Variants in BRSK2 observed in about 807,000 individuals in gnomAD.
BRSK2 encodes BR serine/threonine kinase 2.
In BRSK2, 19 loss-of-function variants were observed where a neutral mutation model predicts 83.3. The ratio of observed to expected loss-of-function variants is 0.23; its 90% CI spans 0.16 to 0.33. BRSK2 has a LOEUF of 0.33. Ranked by LOEUF, BRSK2 falls within the 10% of genes least tolerant of loss-of-function variation. The pLI, the probability that BRSK2 is intolerant of heterozygous loss-of-function variation, is 1.00. For synonymous variants in BRSK2, 519 were observed against 435.4 expected (o/e 1.19, Z -2.39); for missense variants, 798 against 1,042.3 (o/e 0.77, Z 3.23).
At chr11:1,416,146 T>A (rs973246154) in intron 1 of BRSK2, among the ~76,000 whole-genome samples, 1 of 152,224 alleles carries the variant, frequency 6.6e-6, no homozygotes, top group East Asian at 1.9e-4. Flanking sequence ...TTATAAAATT[T>A]CTGTTTTAAT....
chr11:1,445,493 GC>G, intron 10 of BRSK2, 35 bp downstream of exon 10: 1 of 1,609,330 alleles, frequency 6.2e-7, no homozygotes, highest in Non-Finnish European at 8.5e-7. Context: ...GGGGCACGGG[GC>G]CTGAGGTGGG....
At chr11:1,428,930 G>A (rs1214563026) in intron 1 of BRSK2, among the ~76,000 whole-genome samples, 2 of 151,102 alleles carry the variant, frequency 1.3e-5, no homozygotes, top group Non-Finnish European at 3.0e-5. Context: ...CTGGAGGTGT[G>A]TACTGGGTGC....
In BRSK2 at chr11:1,454,266, G is replaced by A; in HGVS notation, c.1545-219G>A. 1.9e-6 allele frequency: 1 copy of A among 513,982 alleles called. No individual in the cohort carries two copies. The highest frequency in any genetic ancestry group is 3.5e-6 in the Non-Finnish European group (1 of 285,638). 31.8% of individuals were successfully genotyped at this position (513,982 alleles called of 1,614,324 possible). A position where few individuals can be genotyped will look rare whatever the true frequency, so the allele number is the denominator to read the frequency against. On this transcript the variant is annotated intron_variant, in intron 15 of 19. Transcript: ENST00000528841. The surrounding 1 kb of genome is among the most constrained non-coding windows in gnomAD (Gnocchi z 5.2). ...CGTTAGGGCTTGGAGAAAGGTTAGG[G>A]TTGGGGTTGGGGTTAGAGCCACGGT...
At chr11:1,450,881 A>AG in intron 14 of BRSK2, 87 bp downstream of exon 14, 1 of 1,294,950 alleles carries the variant, frequency 7.7e-7, no homozygotes. Context: ...GTGCCAGACC[A>AG]GTCCGAGGGG....
intron 9 of BRSK2, 112 bp downstream of exon 9, chr11:1,445,114 C>T: frequency 1.3e-6 from 2 of 1,514,372 alleles, no homozygotes; most frequent in Non-Finnish European, 1.8e-6. Flanking sequence ...CCTGCCCTGC[C>T]TTGGCCCTCC....
rs563153884 is a variant in BRSK2 at position 1,428,549 on chromosome 11, G to C, written c.92-7491G>C. Among the ~76,000 whole-genome samples, 7 of 152,352 alleles carry C rather than the reference G, an allele frequency of 4.6e-5. No individual in the cohort carries two copies. In the South Asian group the frequency reaches 8.3e-4, roughly 18 times the overall value. ...GAGCAAGGCCAGTGCTCCGAGACTT[G>C]GCTGTCCTGATTTGTGCTGGGCCCA... is the stretch of plus-strand genomic sequence containing the variant. On this transcript the variant is annotated intron_variant, in intron 1 of 19. Coordinates refer to ENST00000528841, the MANE Select transcript of BRSK2 (RefSeq NM_001256627.2).
chr11:1,456,892 C>T (rs551398523), intron 18 of BRSK2: 1 of 1,556,686 alleles, frequency 6.4e-7, no homozygotes, highest in African/African-American at 1.4e-5. Flanking sequence ...CGCCTCGCCT[C>T]TGCACGCCAG....
intron 1 of BRSK2, among the ~76,000 whole-genome samples, chr11:1,405,358 G>A (rs1846798365): frequency 6.6e-6 from 1 of 152,118 alleles, no homozygotes; most frequent in South Asian, 2.1e-4. Flanking sequence ...GCAGGTGTGT[G>A]TGTGCGTGCC....
rs903821931 is a variant in BRSK2, at chr11:1,440,695, G to C, written c.273-93G>C. ...AGAGGATGGGGGCGGCCTGCAGAGA[G>C]GCTGGGCCAGGAGGCGGCTGTGGGA... On this transcript the variant is annotated intron_variant, in intron 3 of 19. Transcript: ENST00000528841. The C allele has an allele frequency of 8.8e-6, 13 of 1,469,248 alleles. No homozygotes were observed. In the South Asian group the frequency reaches 1.6e-4, roughly 18 times the overall value. The allele number at this position is 1,469,248 out of a possible 1,614,324, so 91.0% of individuals were successfully genotyped here.
In BRSK2 at chr11:1,390,561, G is replaced by A. The variant is rs1845658091; in HGVS notation, c.91+186G>A. On this transcript the variant is annotated intron_variant, in intron 1 of 19. Transcript: ENST00000528841. This position sits in a 1 kb window ranked among gnomAD's most constrained non-coding sequence, Gnocchi z 6.8. ...CCCGGTTCCGCCGCGGATCCCGCAGGCCGCTTGGCTGCGGTCGGCCGGGCG... is the reference window on the plus strand; with the variant it reads ...CCCGGTTCCGCCGCGGATCCCGCAGACCGCTTGGCTGCGGTCGGCCGGGCG... Among the ~76,000 whole-genome samples, 1 of 145,406 alleles carries A rather than the reference G, an allele frequency of 6.9e-6. No individual in the cohort carries two copies. Among genetic ancestry groups the A allele is most frequent in the Non-Finnish European group, 1.5e-5 (1 of 65,646 alleles).
intron 1 of BRSK2, chr11:1,410,796 C>A (rs1847394455): frequency 4.1e-6 from 4 of 985,458 alleles, no homozygotes; most frequent in Non-Finnish European, 4.8e-6. Flanking sequence ...ACAGGTGGCC[C>A]CCCCGCCACC....
intron 5 of BRSK2, 116 bp from the exon 6 acceptor site, chr11:1,442,990 C>T (rs985493894): frequency 2.5e-6 from 3 of 1,188,242 alleles, no homozygotes; most frequent in African/African-American, 1.5e-5. Context: ...AATGTGGGGG[C>T]GTCTGGCACC....
intron 15 of BRSK2, among the ~76,000 whole-genome samples, chr11:1,452,232 C>T (rs1447251003): frequency 6.6e-6 from 1 of 152,206 alleles, no homozygotes; most frequent in Non-Finnish European, 1.5e-5. Context: ...GGAAACTGCT[C>T]AGTGCTAAGC....
rs567967007 is a variant in BRSK2 at position 1,440,949 on chromosome 11, C to T, written c.413+21C>T. 7.4e-5 allele frequency: 118 copies of T among 1,590,792 alleles called. 1 individual carries two copies. The Middle Eastern group carries it at 1.3e-3, about 17-fold the overall frequency. On this transcript the variant is annotated intron_variant, in intron 4 of 19. Coordinates refer to ENST00000528841, the MANE Select transcript of BRSK2 (RefSeq NM_001256627.2). Reference sequence around the variant, plus strand: ...ATATGGTGAGGCCCCACCCCTGGTGCCCCCCACTCCCCAGGGACCCCCACA... The same window carrying T: ...ATATGGTGAGGCCCCACCCCTGGTGTCCCCCACTCCCCAGGGACCCCCACA...
In BRSK2 at chr11:1,445,899, C is replaced by T. The variant is rs763346324; in HGVS notation, c.1218C>T (p.His406=). Residue 406 remains histidine (H), a synonymous_variant, in exon 12 of 20, where the codon CAC becomes CAT. Coordinates refer to ENST00000528841, the MANE Select transcript of BRSK2 (RefSeq NM_001256627.2). ...GGCGGGCCATTGAGATGGCCCAGCA[C>T]GGCCAGAGGTGTGTGTGCCCCGAGG... The part of the protein sequence containing the change: ...PARRAIEMAQ[H]GQRSRSISGA... The T allele has an allele frequency of 3.9e-5, 62 of 1,607,286 alleles. No individual in the cohort carries two copies. Among genetic ancestry groups the T allele is most frequent in the Non-Finnish European group, 4.8e-5 (56 of 1,176,752 alleles).
At position 1,410,684 on chromosome 11, in the gene BRSK2, C is replaced by T. The variant is rs950593065; in HGVS notation, c.91+20309C>T. On this transcript the variant is annotated intron_variant, in intron 1 of 19. Transcript: ENST00000528841. ...GTGGCCCTGAGTCAGCACTGCCTGA[C>T]GCCCACCCTCAGGAGCCCCCGCCTG... 2.6e-5 allele frequency: 26 copies of T among 985,314 alleles called. No homozygotes were observed. The East Asian group carries it at 4.5e-4, about 17-fold the overall frequency. The allele number at this position is 985,314 out of a possible 1,614,324, so 61.0% of individuals were successfully genotyped here. A position where few individuals can be genotyped will look rare whatever the true frequency, so the allele number is the denominator to read the frequency against.
At chr11:1,398,055 G>T (rs941308005) in intron 1 of BRSK2, among the ~76,000 whole-genome samples, 4 of 152,216 alleles carry the variant, frequency 2.6e-5, no homozygotes, top group Admixed American at 6.5e-5. Flanking sequence ...ATGGCTGCAA[G>T]TCGGGCTGAG....
chr11:1,451,447 G>A (rs1845809536), intron 15 of BRSK2, 28 bp downstream of exon 15: 2 of 1,610,102 alleles, frequency 1.2e-6, no homozygotes, highest in Admixed American at 1.7e-5. Context: ...GAGGCCTCCT[G>A]GTACCTGACA....
At position 1,462,516 on chromosome 11, in the gene BRSK2, C is replaced by T. The variant is rs1335833849; in HGVS notation, c.*1793C>T. The T allele has an allele frequency of 2.0e-5, 3 of 152,260 alleles. No individual in the cohort carries two copies. The highest frequency in any genetic ancestry group is 4.4e-5 in the Non-Finnish European group (3 of 68,050). The allele number at this position is 152,260 out of a possible 1,614,324, so 9.4% of individuals were successfully genotyped here. ...GCGGTACAGGCGGGAAGGGGCTCTCCACGGAGATCGAGGACACGAAGCAAA... is the reference window on the plus strand; with the variant it reads ...GCGGTACAGGCGGGAAGGGGCTCTCTACGGAGATCGAGGACACGAAGCAAA... On this transcript the variant is annotated 3_prime_UTR_variant, in exon 20 of 20. Transcript: ENST00000528841.
Sources: allele counts gnomAD v4.1 joint callset (sites outside exome capture counted in the v4.1 genomes callset), GRCh38; gene constraint gnomAD v4.1.1; non-coding constraint Gnocchi (gnomAD v3.1); transcripts MANE v1.5; gene names NCBI Gene and HGNC (gene_info 2026-07-23, HGNC 2026-07-21).